STPG2: variants seen among roughly 807,000 people sequenced by gnomAD.
STPG2 encodes sperm tail PG-rich repeat containing 2, also known as sperm-tail PG-rich repeat-containing protein 2.
In STPG2, 56 loss-of-function variants were observed where a neutral mutation model predicts 54.2. That is an observed-to-expected ratio of 1.03 (90% CI 0.83 to 1.29). STPG2 has a LOEUF of 1.29. Ranked by LOEUF, STPG2 falls within the 50% of genes most tolerant of loss-of-function variation. The pLI, the probability that STPG2 is intolerant of heterozygous loss-of-function variation, is 0.00. For synonymous variants in STPG2, 200 were observed against 181.8 expected, an observed-to-expected ratio of 1.10 and a Z score of -0.81; for missense variants, 596 against 544.9, an observed-to-expected ratio of 1.09 and a Z score of -0.93.
chr4:97,612,745 T>A (rs1420429773), intron 10 of STPG2, among the ~76,000 whole-genome samples: 1 of 151,960 alleles, frequency 6.6e-6, no homozygotes, highest in African/African-American at 2.4e-5. Context: ...ATCTCAATTA[T>A]AAGTAGTCAA....
intron 8 of STPG2, among the ~76,000 whole-genome samples, chr4:97,897,629 G>C (rs1731009161): frequency 6.6e-6 from 1 of 152,098 alleles, no homozygotes; most frequent in African/African-American, 2.4e-5. Context: ...TCTCACTGTG[G>C]TTTCAAGTTA....
chr4:97,441,741 C>T (rs1407065627), intron 4 of STPG2, among the ~76,000 whole-genome samples: 1 of 151,892 alleles, frequency 6.6e-6, no homozygotes, highest in Non-Finnish European at 1.5e-5. Context: ...ATTCTGGCTT[C>T]TGTATTTATT....
intron 4 of STPG2, among the ~76,000 whole-genome samples, chr4:97,502,606 T>C (rs1335883137): frequency 6.6e-6 from 1 of 151,610 alleles, no homozygotes; most frequent in Non-Finnish European, 1.5e-5. Flanking sequence ...AATTCAAAAA[T>C]TTAAAAAAAT....
rs529504744 is a variant in STPG2 at position 97,927,931 on chromosome 4, G to A, written c.1044+15966C>T. ...ATGTCTGTGATACACAGTGTTTTGT[G>A]GTTTTTAATAATTTAATTCATTAAA... On this transcript the variant is annotated intron_variant, in intron 8 of 10. Coordinates refer to ENST00000295268, the MANE Select transcript of STPG2 (RefSeq NM_174952.3). Among the ~76,000 whole-genome samples, 3 of 152,112 alleles carry A rather than the reference G, an allele frequency of 2.0e-5. No individual in the cohort carries two copies. The South Asian group carries it at 6.2e-4, about 32-fold the overall frequency.
intron 5 of STPG2, among the ~76,000 whole-genome samples, chr4:98,004,696 T>C (rs2149277975): frequency 6.6e-6 from 1 of 152,262 alleles, no homozygotes; most frequent in South Asian, 2.1e-4. Context: ...AGGTGGGAGA[T>C]GATATCTCAT....
At chr4:98,118,100 A>T (rs1280337654) in intron 3 of STPG2, among the ~76,000 whole-genome samples, 1 of 152,166 alleles carries the variant, frequency 6.6e-6, no homozygotes, top group Non-Finnish European at 1.5e-5. Flanking sequence ...CTAATTCTCT[A>T]AACTCTGTAT....
intron 10 of STPG2, among the ~76,000 whole-genome samples, chr4:97,592,972 T>A (rs1487460225): frequency 2.0e-5 from 3 of 152,122 alleles, no homozygotes; most frequent in Non-Finnish European, 4.4e-5. Context: ...AGGCACATCA[T>A]GCTCCTCTAA....
intron 3 of STPG2, among the ~76,000 whole-genome samples, chr4:98,126,650 T>C (rs1017482308): frequency 2.4e-4 from 36 of 152,194 alleles, no homozygotes; most frequent in African/African-American, 8.4e-4. Flanking sequence ...ATTTTCATTC[T>C]TCTCAGTGAG....
intron 10 of STPG2, among the ~76,000 whole-genome samples, chr4:97,606,875 C>T (rs1403599368): frequency 6.6e-6 from 1 of 151,836 alleles, no homozygotes; most frequent in African/African-American, 2.4e-5. Flanking sequence ...AAATGAAAAA[C>T]AGTTGGACAT....
chr4:97,849,996 C>T (rs12640871), intron 8 of STPG2, among the ~76,000 whole-genome samples: 24,358 of 151,340 alleles, frequency 0.16, 2,123 homozygotes, highest in East Asian at 0.36. Context: ...GCATTATTCA[C>T]GATAGCAAAG....
intron 5 of STPG2, among the ~76,000 whole-genome samples, chr4:98,088,776 C>A (rs1002794948): frequency 5.3e-5 from 8 of 151,024 alleles, no homozygotes; most frequent in Non-Finnish European, 1.0e-4. Flanking sequence ...TCATATAATT[C>A]TTTTCCCTAC....
intron 9 of STPG2, among the ~76,000 whole-genome samples, chr4:97,833,659 A>G (rs1445788589): frequency 6.6e-6 from 1 of 152,114 alleles, no homozygotes; most frequent in Non-Finnish European, 1.5e-5. Context: ...CAAATTTACA[A>G]TAAAAAAAAA....
At chr4:97,927,575 T>G (rs1234105849) in intron 8 of STPG2, among the ~76,000 whole-genome samples, 1 of 152,168 alleles carries the variant, frequency 6.6e-6, no homozygotes, top group Non-Finnish European at 1.5e-5. Flanking sequence ...TATAATAACA[T>G]CCGAGATCTT....
chr4:97,501,755 C>A (rs1194707251), intron 4 of STPG2, among the ~76,000 whole-genome samples: 1 of 150,104 alleles, frequency 6.7e-6, no homozygotes, highest in Non-Finnish European at 1.5e-5. Context: ...CAAAGAACTA[C>A]CTGCATGAAA....
intron 10 of STPG2, among the ~76,000 whole-genome samples, chr4:97,636,695 C>A (rs1721547637): frequency 6.6e-6 from 1 of 152,200 alleles, no homozygotes. Context: ...AAACTACCAT[C>A]AGAGAAAACT....
At chr4:98,087,546 TTCTC>T (rs1253409244) in intron 5 of STPG2, among the ~76,000 whole-genome samples, 1 of 149,040 alleles carries the variant, frequency 6.7e-6, no homozygotes, top group African/African-American at 2.5e-5. Flanking sequence ...AATTCAGTAA[TTCTC>T]TCTTTTTTTC....
intron 5 of STPG2, among the ~76,000 whole-genome samples, chr4:98,083,104 C>T (rs1006851765): frequency 6.6e-6 from 1 of 152,122 alleles, no homozygotes; most frequent in Non-Finnish European, 1.5e-5. Context: ...CTCCCAATAT[C>T]ATCCTGTACC....
chr4:97,480,500 CATT>C (rs1730192836), intron 4 of STPG2, among the ~76,000 whole-genome samples: 4 of 151,494 alleles, frequency 2.6e-5, no homozygotes, highest in Admixed American at 2.6e-4. Flanking sequence ...CAGATAAAAA[CATT>C]ATAAAAAACA....
chr4:97,926,384 T>A (rs947832734), intron 8 of STPG2, among the ~76,000 whole-genome samples: 4 of 152,166 alleles, frequency 2.6e-5, no homozygotes, highest in Non-Finnish European at 2.9e-5. Context: ...GTCCTTCCCA[T>A]CCAAGAAGGG....
Sources: allele counts gnomAD v4.1 joint callset (sites outside exome capture counted in the v4.1 genomes callset), GRCh38; gene constraint gnomAD v4.1.1; transcripts MANE v1.5; gene names NCBI Gene and HGNC (gene_info 2026-07-23, HGNC 2026-07-21).